Variants in RBFOX1 observed in about 807,000 individuals in gnomAD.
RBFOX1 encodes RNA binding fox-1 homolog 1, also known as RNA binding protein fox-1 homolog 1.
In RBFOX1, 8 loss-of-function variants were observed where a neutral mutation model predicts 57.7. The ratio of observed to expected loss-of-function variants is 0.14; its 90% CI spans 0.08 to 0.25. The LOEUF (loss-of-function observed/expected upper bound fraction) is 0.25. RBFOX1 is among the 10% of genes least tolerant of loss of function. The probability of loss-of-function intolerance (pLI) is 1.00; values close to 1 mark genes in which losing one functional copy is unlikely to be tolerated. For synonymous variants in RBFOX1, 326 were observed against 222.4 expected (o/e 1.47, Z -4.15); for missense variants, 611 against 548.5 (o/e 1.11, Z -1.14).
intron 3 of RBFOX1, among the ~76,000 whole-genome samples, chr16:5,831,762 C>T (rs1390841910): frequency 3.9e-5 from 6 of 152,018 alleles, no homozygotes; most frequent in Admixed American, 6.6e-5. Context: ...TAAATTACCC[C>T]GTGTCAAGTA....
At chr16:6,032,099 C>G (rs559418745) in intron 1 of RBFOX1, among the ~76,000 whole-genome samples, 3 of 152,156 alleles carry the variant, frequency 2.0e-5, no homozygotes, top group African/African-American at 7.2e-5. Flanking sequence ...CCCTTAGCCT[C>G]TTTCTTAAAG....
At chr16:6,851,034 A>G (rs1482938865) in intron 3 of RBFOX1, among the ~76,000 whole-genome samples, 1 of 152,176 alleles carries the variant, frequency 6.6e-6, no homozygotes, top group African/African-American at 2.4e-5. Flanking sequence ...AATACTATGT[A>G]GCAATAAAAA....
intron 4 of RBFOX1, among the ~76,000 whole-genome samples, chr16:7,150,256 G>A (rs550958707): frequency 1.3e-5 from 2 of 152,274 alleles, no homozygotes; most frequent in South Asian, 2.1e-4. Flanking sequence ...TAAAAGAGAC[G>A]CCTCCACCTA....
At position 7,581,013 on chromosome 16, in the gene RBFOX1, C is replaced by T. The variant is rs192244688; in HGVS notation, c.414+1093C>T. On this transcript the variant is annotated intron_variant, in intron 6 of 15. Coordinates refer to ENST00000550418, the MANE Select transcript of RBFOX1 (RefSeq NM_018723.4). Reference sequence around the variant, plus strand: ...TTCCTAGCCAAGTTGGTGGTGTCTCCATATAAAATGGGAGGCTCTTGTTCA... The same window carrying T: ...TTCCTAGCCAAGTTGGTGGTGTCTCTATATAAAATGGGAGGCTCTTGTTCA... 2.0e-5 allele frequency among the ~76,000 whole-genome samples: 3 copies of T among 152,274 alleles called. No individual in the cohort carries two copies. The East Asian group carries it at 5.8e-4, about 29-fold the overall frequency.
chr16:7,065,555 A>C (rs1447556872), intron 4 of RBFOX1, among the ~76,000 whole-genome samples: 3 of 152,164 alleles, frequency 2.0e-5, no homozygotes, highest in Non-Finnish European at 4.4e-5. Flanking sequence ...GTATATCCTT[A>C]TTGTATACAG....
At chr16:5,534,342 G>A (rs1252252322) in intron 2 of RBFOX1, among the ~76,000 whole-genome samples, 2 of 152,196 alleles carry the variant, frequency 1.3e-5, no homozygotes, top group Non-Finnish European at 1.5e-5. Context: ...CGATCAGAAA[G>A]TGAAGTCCCC....
intron 2 of RBFOX1, among the ~76,000 whole-genome samples, chr16:6,650,493 A>G (rs1251263548): frequency 6.6e-6 from 1 of 152,152 alleles, no homozygotes; most frequent in Non-Finnish European, 1.5e-5. Context: ...CTAATGGCTA[A>G]TCACAATTAT....
chr16:6,317,195 C>T, intron 2 of RBFOX1, 138 bp downstream of exon 2: 3 of 776,868 alleles, frequency 3.9e-6, no homozygotes, highest in South Asian at 1.9e-5. Context: ...TCTCTTCTGC[C>T]CTATTGTATC....
intron 3 of RBFOX1, among the ~76,000 whole-genome samples, chr16:7,031,582 C>G (rs747360783): frequency 3.4e-5 from 5 of 147,832 alleles, no homozygotes; most frequent in Admixed American, 2.7e-4. Flanking sequence ...GCCGAGGCAA[C>G]AGAGTGAGAC....
At chr16:6,305,140 A>G (rs1362245076) in intron 1 of RBFOX1, among the ~76,000 whole-genome samples, 1 of 152,196 alleles carries the variant, frequency 6.6e-6, no homozygotes, top group East Asian at 1.9e-4. Flanking sequence ...GTTATCCCAA[A>G]TCCTTCCACG....
chr16:5,683,845 A>G (rs1047690635), intron 3 of RBFOX1, among the ~76,000 whole-genome samples: 17 of 149,674 alleles, frequency 1.1e-4, no homozygotes, highest in African/African-American at 3.9e-4. Flanking sequence ...TATGTAAATT[A>G]TGTATTACAT....
intron 3 of RBFOX1, among the ~76,000 whole-genome samples, chr16:6,812,694 G>A (rs2089020235): frequency 6.6e-6 from 1 of 152,110 alleles, no homozygotes; most frequent in African/African-American, 2.4e-5. Flanking sequence ...AGTTTTTAAT[G>A]CCTAAATGTG....
chr16:7,410,857 G>A (rs1401886511), intron 4 of RBFOX1, among the ~76,000 whole-genome samples: 1 of 144,468 alleles, frequency 6.9e-6, no homozygotes, highest in Non-Finnish European at 1.6e-5. Flanking sequence ...GTGTGTGTGT[G>A]TGTGTGTGTG....
chr16:5,796,846 A>AT (rs1183697387), intron 3 of RBFOX1, among the ~76,000 whole-genome samples: 2 of 152,134 alleles, frequency 1.3e-5, no homozygotes, highest in African/African-American at 4.8e-5. Flanking sequence ...GTTAACCTCT[A>AT]TATGGCCCTC....
chr16:7,261,710 T>C (rs1247822063), intron 4 of RBFOX1, among the ~76,000 whole-genome samples: 1 of 152,126 alleles, frequency 6.6e-6, no homozygotes, highest in Non-Finnish European at 1.5e-5. Flanking sequence ...TTGATAAAAA[T>C]AGGCATCATG....
chr16:7,260,783 G>A (rs1049682833), intron 4 of RBFOX1, among the ~76,000 whole-genome samples: 26 of 152,216 alleles, frequency 1.7e-4, no homozygotes, highest in African/African-American at 5.3e-4. Context: ...CTAGGCTGCC[G>A]AACAGCAGGG....
chr16:7,176,236 T>TTTTTTTTTTTTTTTTTTTTTTTTTG (rs1555534123), intron 4 of RBFOX1, among the ~76,000 whole-genome samples: 1 of 150,716 alleles, frequency 6.6e-6, no homozygotes, highest in East Asian at 2.0e-4. Flanking sequence ...TCTTGGTTCT[T>TTTTTTTTTTTTTTTTTTTTTTTTTG]AAAATCATGG....
chr16:5,529,013 A>G (rs2044355848), intron 2 of RBFOX1, among the ~76,000 whole-genome samples: 1 of 152,008 alleles, frequency 6.6e-6, no homozygotes, highest in Admixed American at 6.6e-5. Context: ...GCAGTGGAGT[A>G]ACCACTGGCT....
chr16:5,503,343 C>G (rs2043264317), intron 2 of RBFOX1, among the ~76,000 whole-genome samples: 1 of 152,240 alleles, frequency 6.6e-6, no homozygotes, highest in Non-Finnish European at 1.5e-5. Context: ...ATCTCCCTCA[C>G]CCCTCTTCTT....
Sources: gnomAD v4.1 joint callset for allele counts (sites outside exome capture counted in the v4.1 genomes callset) on GRCh38, gnomAD v4.1.1 for gene constraint, MANE v1.5 for transcripts, NCBI Gene and HGNC (gene_info 2026-07-23, HGNC 2026-07-21) for gene names.